Variants in BRINP3 observed in about 807,000 individuals in gnomAD.
BRINP3 encodes BMP/retinoic acid-inducible neural-specific protein 3.
BRINP3 carries 19 observed loss-of-function variants against 71.0 expected under a neutral mutation model. The observed-to-expected ratio is 0.27, with a 90% CI of 0.19 to 0.39. The LOEUF is 0.39. Ranked by LOEUF, BRINP3 falls within the 10% of genes least tolerant of loss-of-function variation. The pLI is 1.00. For missense variants in BRINP3, 959 were observed against 940.8 expected (o/e 1.02, Z -0.25); for synonymous variants, 380 against 337.7 (o/e 1.13, Z -1.37).
At chr1:190,328,521 G>T (rs933440800) in intron 2 of BRINP3, among the ~76,000 whole-genome samples, 2 of 151,896 alleles carry the variant, frequency 1.3e-5, no homozygotes, top group Admixed American at 6.6e-5. Context: ...ATAATATCTA[G>T]TTCAGAAATT....
At chr1:190,326,604 C>G (rs1425353349) in intron 2 of BRINP3, among the ~76,000 whole-genome samples, 1 of 152,028 alleles carries the variant, frequency 6.6e-6, no homozygotes, top group African/African-American at 2.4e-5. Flanking sequence ...ACGGACTTCT[C>G]AGCAGAAACA....
chr1:190,306,158 G>A (rs905941972), intron 2 of BRINP3, among the ~76,000 whole-genome samples: 1 of 151,504 alleles, frequency 6.6e-6, no homozygotes, highest in African/African-American at 2.4e-5. Context: ...TTGTAGAGAT[G>A]ATAAAACAAA....
intron 1 of BRINP3, among the ~76,000 whole-genome samples, chr1:190,463,895 T>C (rs1218576815): frequency 6.6e-6 from 1 of 151,934 alleles, no homozygotes; most frequent in East Asian, 1.9e-4. Context: ...CAGATAATTC[T>C]TCAAGATATG....
chr1:190,097,980 ACTC>A lies in BRINP3; in HGVS notation c.*35_*37del. The A allele has an allele frequency of 6.4e-7, 1 of 1,555,396 alleles. No individual in the cohort carries two copies. Among genetic ancestry groups the A allele is most frequent in the Non-Finnish European group, 8.7e-7 (1 of 1,153,654 alleles). ...ACTGTTCCACAAAAGCACTGTAAAA[ACTC>A]CTTCAAGATTTTGGGTTGTGCTTGA... is the stretch of plus-strand genomic sequence containing the variant. On this transcript the variant is annotated 3_prime_UTR_variant, in exon 8 of 8. Coordinates refer to ENST00000367462, the MANE Select transcript of BRINP3 (RefSeq NM_199051.3).
chr1:190,399,174 G>T (rs933139847), intron 2 of BRINP3, among the ~76,000 whole-genome samples: 20 of 151,796 alleles, frequency 1.3e-4, no homozygotes, highest in Admixed American at 1.3e-3. Flanking sequence ...TACATGCTAG[G>T]TATAGGTGAA....
At chr1:190,248,747 C>G (rs977779760) in intron 4 of BRINP3, among the ~76,000 whole-genome samples, 36 of 151,662 alleles carry the variant, frequency 2.4e-4, no homozygotes, top group African/African-American at 7.5e-4. Context: ...TATATACATT[C>G]AAACACACAC....
At chr1:190,254,805 C>G (rs1660496205) in intron 4 of BRINP3, among the ~76,000 whole-genome samples, 1 of 152,168 alleles carries the variant, frequency 6.6e-6, no homozygotes, top group Non-Finnish European at 1.5e-5. Context: ...AATTCCAACA[C>G]TAAGTTGAAT....
chr1:190,351,488 C>T (rs1049382854), intron 2 of BRINP3, among the ~76,000 whole-genome samples: 5 of 151,850 alleles, frequency 3.3e-5, no homozygotes, highest in Admixed American at 1.3e-4. Flanking sequence ...GAGAGGTACC[C>T]GTATGACATA....
At chr1:190,273,059 T>G (rs1325281178) in intron 3 of BRINP3, among the ~76,000 whole-genome samples, 1 of 151,268 alleles carries the variant, frequency 6.6e-6, no homozygotes. Flanking sequence ...ATCTGTTTTT[T>G]TTTTTCAATT....
chr1:190,298,805 A>C (rs1012780044), intron 2 of BRINP3, among the ~76,000 whole-genome samples: 36 of 152,100 alleles, frequency 2.4e-4, no homozygotes, highest in African/African-American at 7.2e-4. Context: ...TTCTATATAT[A>C]TATATTGACT....
At chr1:190,317,457 A>G (rs1665964773) in intron 2 of BRINP3, among the ~76,000 whole-genome samples, 1 of 152,102 alleles carries the variant, frequency 6.6e-6, no homozygotes. Flanking sequence ...TGTCTGCAAT[A>G]CATCCCATAT....
chr1:190,128,995 T>C (rs1230347189), intron 7 of BRINP3, among the ~76,000 whole-genome samples: 1 of 151,800 alleles, frequency 6.6e-6, no homozygotes, highest in East Asian at 1.9e-4. Context: ...TAAGAATAAA[T>C]ACTTGAAAGT....
intron 4 of BRINP3, among the ~76,000 whole-genome samples, chr1:190,235,388 G>C (rs1277670516): frequency 2.0e-5 from 3 of 152,018 alleles, no homozygotes; most frequent in Non-Finnish European, 4.4e-5. Flanking sequence ...TTAAAGCAGA[G>C]CAGTATTGTC....
chr1:190,298,066 G>T (rs1458174728), intron 2 of BRINP3, among the ~76,000 whole-genome samples: 1 of 152,028 alleles, frequency 6.6e-6, no homozygotes, highest in East Asian at 1.9e-4. Flanking sequence ...GTGGTCGTTT[G>T]TGCTTTTTAA....
At chr1:190,438,572 T>A (rs562521816) in intron 2 of BRINP3, among the ~76,000 whole-genome samples, 10 of 151,998 alleles carry the variant, frequency 6.6e-5, no homozygotes, top group African/African-American at 2.4e-4. Flanking sequence ...ATGTTTTATA[T>A]GAAATACATA....
chr1:190,409,281 A>T (rs1672501538), intron 2 of BRINP3, among the ~76,000 whole-genome samples: 1 of 152,156 alleles, frequency 6.6e-6, no homozygotes, highest in Admixed American at 6.5e-5. Flanking sequence ...AAACTATCTA[A>T]TAGAAGGAAA....
At chr1:190,260,515 C>T (rs767907466) in intron 4 of BRINP3, among the ~76,000 whole-genome samples, 176 of 151,730 alleles carry the variant, frequency 1.2e-3, no homozygotes, top group Middle Eastern at 6.9e-3. Flanking sequence ...TGCATATTTT[C>T]TTGGGTATTC....
chr1:190,160,899 T>C lies in BRINP3; in HGVS notation c.962-9A>G. The C allele has an allele frequency of 6.4e-7, 1 of 1,574,740 alleles. No homozygotes were observed. The highest frequency in any genetic ancestry group is 8.6e-7 in the Non-Finnish European group (1 of 1,156,526). On this transcript the variant is annotated splice_polypyrimidine_tract_variant and intron_variant, in intron 6 of 7. Transcript: ENST00000367462. ...AAATAACTTGAATTCATCTGAAAAA[T>C]GTCAAAATTCAACACTTTAATTATG...
chr1:190,189,669 A>AT (rs544427396), intron 6 of BRINP3, among the ~76,000 whole-genome samples: 16 of 150,896 alleles, frequency 1.1e-4, no homozygotes, highest in South Asian at 4.2e-4. Flanking sequence ...TTTCCCATTG[A>AT]TTTTTTTTAT....
Sources: gnomAD v4.1 joint callset for allele counts (sites outside exome capture counted in the v4.1 genomes callset) on GRCh38, gnomAD v4.1.1 for gene constraint, MANE v1.5 for transcripts, NCBI Gene and HGNC (gene_info 2026-07-23, HGNC 2026-07-21) for gene names.